KALRN: variants seen among roughly 807,000 people sequenced by gnomAD.
The protein encoded by KALRN is kalirin RhoGEF kinase, also known as kalirin.
A neutral mutation model predicts 353.7 loss-of-function variants in KALRN; 70 were observed. The ratio of observed to expected loss-of-function variants is 0.20; its 90% CI spans 0.16 to 0.24. The LOEUF (loss-of-function observed/expected upper bound fraction) is 0.24. Ranked by LOEUF, KALRN falls within the 10% of genes least tolerant of loss-of-function variation. The pLI is 1.00. For synonymous variants in KALRN, 1,391 were observed against 1,434.8 expected (o/e 0.97, Z 0.69); for missense variants, 2,791 against 3,756.7 (o/e 0.74, Z 6.72).
chr3:124,484,826 G>A (rs985958269), intron 28 of KALRN, among the ~76,000 whole-genome samples: 16 of 152,216 alleles, frequency 1.1e-4, no homozygotes, highest in African/African-American at 3.6e-4. Context: ...TTTCATGGTC[G>A]GGCATGGTGG....
chr3:124,129,196 C>T lies in KALRN; in HGVS notation c.73+95383C>T, dbSNP rs569870841. 4.6e-5 allele frequency among the ~76,000 whole-genome samples: 7 copies of T among 152,256 alleles called. No homozygotes were observed. In the South Asian group the frequency reaches 8.3e-4, roughly 18 times the overall value. ...GTCATACTCAGGAGCATTAGCAGAA[C>T]GGTGCCCCAGCATCATGGTGGCATG... On this transcript the variant is annotated intron_variant, in intron 1 of 59. Transcript: ENST00000682506.
rs186444989 is a variant in KALRN at position 124,304,263 on chromosome 3, T to C, written c.1092+5350T>C. 1.4e-3 allele frequency among the ~76,000 whole-genome samples: 210 copies of C among 152,270 alleles called. 1 individual carries two copies. The East Asian group carries it at 0.016, about 11-fold the overall frequency. On this transcript the variant is annotated intron_variant, in intron 6 of 59. Coordinates refer to ENST00000682506, the MANE Select transcript of KALRN (RefSeq NM_001388419.1). The stretch of plus-strand genomic sequence containing the variant: ...AAAAAAATGAAGAAGAAGAGTTCAA[T>C]CTTATCCAGTAAGCATTAGTCTTTT...
In KALRN at chr3:124,319,204, G is replaced by T. The variant is rs182870807; in HGVS notation, c.1093-6776G>T. ...AAAATTAAAATTAAAAATACCAAAT[G>T]CCTATAATCCCAGTAGTTTGGGAGG... On this transcript the variant is annotated intron_variant, in intron 6 of 59. Transcript: ENST00000682506. Among the ~76,000 whole-genome samples the T allele has an allele frequency of 4.6e-5, 7 of 151,838 alleles. No homozygotes were observed. In the East Asian group the frequency reaches 1.3e-3, roughly 29 times the overall value.
At chr3:124,611,109 T>A (rs2077907216) in intron 34 of KALRN, among the ~76,000 whole-genome samples, 1 of 152,100 alleles carries the variant, frequency 6.6e-6, no homozygotes, top group African/African-American at 2.4e-5. Context: ...AGTGGCAGCA[T>A]GTGGAGGTGG....
At chr3:124,086,727 T>C (rs1298205598) in intron 1 of KALRN, among the ~76,000 whole-genome samples, 1 of 152,212 alleles carries the variant, frequency 6.6e-6, no homozygotes. Flanking sequence ...GTTCAAAAAT[T>C]AGTACAAAAT....
At chr3:124,128,648 A>G (rs1481755326) in intron 1 of KALRN, among the ~76,000 whole-genome samples, 1 of 152,186 alleles carries the variant, frequency 6.6e-6, no homozygotes, top group Non-Finnish European at 1.5e-5. Flanking sequence ...TTTCTGATGG[A>G]ATAAGACTAC....
intron 37 of KALRN, among the ~76,000 whole-genome samples, chr3:124,640,038 G>A (rs1364746954): frequency 1.3e-5 from 2 of 152,194 alleles, no homozygotes; most frequent in East Asian, 3.9e-4. Context: ...TTTCACCTTC[G>A]AGACTCTTAG....
chr3:124,483,647 A>G (rs1199769086), intron 28 of KALRN, among the ~76,000 whole-genome samples: 1 of 152,180 alleles, frequency 6.6e-6, no homozygotes, highest in Non-Finnish European at 1.5e-5. Context: ...GGTGGCACCT[A>G]CCATTGTCTG....
chr3:124,250,520 T>C (rs747877433), intron 3 of KALRN, among the ~76,000 whole-genome samples: 1 of 152,242 alleles, frequency 6.6e-6, no homozygotes, highest in Non-Finnish European at 1.5e-5. Context: ...CTCCACGTTT[T>C]AGAAAGGCTC....
At chr3:124,466,807 C>G (rs1195625466) in intron 25 of KALRN, among the ~76,000 whole-genome samples, 2 of 152,140 alleles carry the variant, frequency 1.3e-5, no homozygotes, top group Admixed American at 1.3e-4. Context: ...GCACTCTCTC[C>G]CCTTCTCTCA....
In KALRN at chr3:124,496,324, G is replaced by A. The variant is rs867890492; in HGVS notation, c.4846G>A (p.Asp1616Asn). 6.2e-7 allele frequency: 1 copy of A among 1,613,082 alleles called. No individual in the cohort carries two copies. The highest frequency in any genetic ancestry group is 8.5e-7 in the Non-Finnish European group (1 of 1,179,606). ...RNNSKRDGVE[D>N]IDSQGDGSSQ... ...TTCTTCCTGCAGGGATGGAGTGGAG[G>A]ATATTGACAGCCAGGGGGATGGGAG... The change falls in exon 33 of 60, where the codon GAT becomes AAT. Residue 1616 changes from aspartate (D) to asparagine (N), a missense_variant. Physicochemically the swap from Asp to Asn is conservative, Grantham distance 23 (BLOSUM62 1). Around this residue, in one of 11 missense-constraint regions of KALRN, gnomAD observed 239 missense variants for 351.3 expected, o/e 0.68. Coordinates refer to ENST00000682506, the MANE Select transcript of KALRN (RefSeq NM_001388419.1).
intron 10 of KALRN, among the ~76,000 whole-genome samples, chr3:124,361,253 C>T (rs549409433): frequency 1.3e-5 from 2 of 152,286 alleles, no homozygotes; most frequent in Middle Eastern, 3.4e-3. Context: ...GAAGTTTCTA[C>T]TTTATTTATC....
chr3:124,163,264 G>GAA (rs2070289267), intron 1 of KALRN: 1 of 152,240 alleles, frequency 6.6e-6, no homozygotes, highest in African/African-American at 2.4e-5. Flanking sequence ...AAGCATCCAT[G>GAA]AAAGGCAGGC....
At chr3:124,376,202 A>G (rs1341839334) in intron 10 of KALRN, among the ~76,000 whole-genome samples, 5 of 152,172 alleles carry the variant, frequency 3.3e-5, no homozygotes, top group Non-Finnish European at 5.9e-5. Context: ...GGCACCTGCA[A>G]TAGTTATTTT....
chr3:124,204,089 C>T (rs2076196231), intron 1 of KALRN, among the ~76,000 whole-genome samples: 1 of 152,172 alleles, frequency 6.6e-6, no homozygotes, highest in Non-Finnish European at 1.5e-5. Context: ...ATTGCAACCT[C>T]TTCAAAAATG....
At chr3:124,484,840 ATGCCTGTAATCCCAGCACTTTGGGAGGC>A (rs1263470083) in intron 28 of KALRN, among the ~76,000 whole-genome samples, 1 of 152,204 alleles carries the variant, frequency 6.6e-6, no homozygotes, top group Non-Finnish European at 1.5e-5. Flanking sequence ...ATGGTGGCTC[ATGCCTGTAATCCCAGCACTTTGGGAGGC>A]CAAGGCAGAT....
At chr3:124,216,905 T>C (rs569341642) in intron 1 of KALRN, among the ~76,000 whole-genome samples, 1 of 152,318 alleles carries the variant, frequency 6.6e-6, no homozygotes, top group African/African-American at 2.4e-5. Context: ...AAAATCCCAT[T>C]GTGTCTTAGT....
Position 124,347,150 on chromosome 3 carries a change from A to G in KALRN, c.1655A>G (p.Asp552Gly), listed in dbSNP as rs1239242304. Residue 552 changes from aspartate to glycine, a missense_variant, in exon 10 of 60, where the codon GAC becomes GGC. Around this residue, in one of 11 missense-constraint regions of KALRN, gnomAD observed 15 missense variants for 54.6 expected, o/e 0.27. Coordinates refer to ENST00000682506, the MANE Select transcript of KALRN (RefSeq NM_001388419.1). ...TTATCCTTCTTTGACCAGGTGTTGG[A>G]CTGGATTGAAAACCATGGTGAGGCC... ...VFQQDVQQVL[D>G]WIENHGEAFL... 6.2e-7 allele frequency: 1 copy of G among 1,614,010 alleles called. No homozygotes were observed. Among genetic ancestry groups the G allele is most frequent in the Non-Finnish European group, 8.5e-7 (1 of 1,180,020 alleles).
At chr3:124,717,412 C>T (rs376882175) in intron 59 of KALRN, 27 bp downstream of exon 59, 303 of 1,550,656 alleles carry the variant, frequency 2.0e-4, no homozygotes, top group African/African-American at 1.4e-3. Context: ...ACCTGCTGGG[C>T]GCAGTGGCTC....
Sources: gnomAD v4.1 joint callset for allele counts (sites outside exome capture counted in the v4.1 genomes callset) on GRCh38, gnomAD v4.1.1 for gene constraint, gnomAD v4.1.1 regional missense constraint, MANE v1.5 for transcripts, NCBI Gene and HGNC (gene_info 2026-07-23, HGNC 2026-07-21) for gene names.